The following GALNT13 variants were observed in gnomAD, a reference collection of about 807,000 sequenced individuals.
GALNT13 encodes polypeptide N-acetylgalactosaminyltransferase 13.
A neutral mutation model predicts 64.2 loss-of-function variants in GALNT13; 28 were observed. The ratio of observed to expected loss-of-function variants is 0.44; its 90% CI spans 0.32 to 0.60. The LOEUF is 0.60. GALNT13 is among the 20% of genes least tolerant of loss of function. The pLI, the probability that GALNT13 is intolerant of heterozygous loss-of-function variation, is 0.05. For synonymous variants in GALNT13, 214 were observed against 224.6 expected (o/e 0.95, Z 0.42); for missense variants, 577 against 669.8 (o/e 0.86, Z 1.53).
At chr2:154,339,083 A>G (rs1000958904) in intron 9 of GALNT13, among the ~76,000 whole-genome samples, 7 of 152,170 alleles carry the variant, frequency 4.6e-5, no homozygotes. Flanking sequence ...ATGTTTACCA[A>G]GCATCTACTA....
At chr2:154,206,510 G>A (rs535116667) in intron 4 of GALNT13, among the ~76,000 whole-genome samples, 52 of 151,868 alleles carry the variant, frequency 3.4e-4, no homozygotes, top group African/African-American at 1.1e-3. Context: ...CAAGAGGAAC[G>A]GGGGTCGGGC....
chr2:153,744,466 T>C, the GALNT13 span, among the ~76,000 whole-genome samples: 2 of 152,200 alleles, frequency 1.3e-5, no homozygotes, highest in African/African-American at 4.8e-5. Context: ...ATGTCCCATT[T>C]GTATGTCTTC....
intron 1 of GALNT13, among the ~76,000 whole-genome samples, chr2:153,895,579 G>T (rs1180012880): frequency 6.6e-6 from 1 of 152,026 alleles, no homozygotes; most frequent in Non-Finnish European, 1.5e-5. Context: ...CAGAACTAGG[G>T]TCAAGTTGGG....
chr2:153,087,514 G>A, the GALNT13 span, among the ~76,000 whole-genome samples: 1 of 152,026 alleles, frequency 6.6e-6, no homozygotes, highest in African/African-American at 2.4e-5. Context: ...GGGACAATTT[G>A]TTCTCTGTCT....
At chr2:153,550,528 C>T in the GALNT13 span, among the ~76,000 whole-genome samples, 1 of 152,066 alleles carries the variant, frequency 6.6e-6, no homozygotes, top group Admixed American at 6.6e-5. Flanking sequence ...CCACCGTGCC[C>T]AGGCTTAACT....
intron 9 of GALNT13, among the ~76,000 whole-genome samples, chr2:154,305,257 C>T (rs1693665347): frequency 6.6e-6 from 1 of 151,848 alleles, no homozygotes; most frequent in African/African-American, 2.4e-5. Flanking sequence ...TTCTGTTTTT[C>T]ATCACTTTGG....
intron 9 of GALNT13, among the ~76,000 whole-genome samples, chr2:154,379,162 T>C (rs574993201): frequency 2.6e-5 from 4 of 152,138 alleles, no homozygotes; most frequent in African/African-American, 4.8e-5. Context: ...CTAAATGTTA[T>C]GTCATTCGCT....
chr2:154,395,159 G>A (rs1698997586), intron 9 of GALNT13, among the ~76,000 whole-genome samples: 1 of 152,072 alleles, frequency 6.6e-6, no homozygotes, highest in African/African-American at 2.4e-5. Context: ...AATATTCTAA[G>A]AATAATTGCT....
intron 9 of GALNT13, among the ~76,000 whole-genome samples, chr2:154,384,729 C>T: frequency 6.6e-6 from 1 of 151,912 alleles, no homozygotes; most frequent in East Asian, 1.9e-4. Flanking sequence ...GTGTTTCCTA[C>T]CCACTGTCAT....
intron 9 of GALNT13, 111 bp downstream of exon 9, chr2:154,301,700 C>A: frequency 1.4e-6 from 1 of 709,740 alleles, no homozygotes; most frequent in Non-Finnish European, 2.2e-6. Context: ...TTGTTTATTA[C>A]CATAATATTG....
At chr2:153,566,348 G>GTTTTTTTTTTTTTTTTTTTTTTTTT in the GALNT13 span, among the ~76,000 whole-genome samples, 38 of 74,792 alleles carry the variant, frequency 5.1e-4, 2 homozygotes, top group African/African-American at 2.0e-3. Flanking sequence ...TTCTAATCAC[G>GTTTTTTTTTTTTTTTTTTTTTTTTT]TTTTTTTTTT....
Position 153,944,541 on chromosome 2 carries a change from T to C in GALNT13, c.44T>C (p.Leu15Pro). 6.2e-7 allele frequency: 1 copy of C among 1,613,278 alleles called. No homozygotes were observed. Among genetic ancestry groups the C allele is most frequent in the Non-Finnish European group, 8.5e-7 (1 of 1,179,294 alleles). The change falls in exon 3 of 13, where the codon CTG becomes CCG. Residue 15 changes from leucine to proline, a missense_variant. Leu to Pro is a moderately conservative substitution (Grantham distance 98). This residue lies in a region of GALNT13 where 341 missense variants were observed against 379.3 expected (regional missense o/e 0.90). Coordinates refer to ENST00000392825, the MANE Select transcript of GALNT13 (RefSeq NM_052917.4). ...VYCKVVLATS[L>P]MWVLVDVFLL... ...TGCAAGGTGGTTCTAGCCACTTCGC[T>C]GATGTGGGTTCTTGTTGATGTCTTC...
At chr2:153,710,628 G>T in the GALNT13 span, among the ~76,000 whole-genome samples, 10 of 152,050 alleles carry the variant, frequency 6.6e-5, no homozygotes, top group African/African-American at 1.7e-4. Context: ...TTAGAATATA[G>T]CTCCTAGAGA....
intron 10 of GALNT13, among the ~76,000 whole-genome samples, chr2:154,401,179 T>C (rs190741459): frequency 6.6e-6 from 1 of 152,274 alleles, no homozygotes; most frequent in East Asian, 1.9e-4. Context: ...TTGTATGCCT[T>C]AAATATTGCT....
chr2:154,166,559 G>A (rs150891594), intron 4 of GALNT13, among the ~76,000 whole-genome samples: 11,102 of 152,300 alleles, frequency 0.073, 481 homozygotes, highest in Middle Eastern at 0.14. Context: ...CATTGTGGAA[G>A]ACAGTGTGGC....
the GALNT13 span, among the ~76,000 whole-genome samples, chr2:153,726,027 A>G: frequency 6.6e-6 from 1 of 151,912 alleles, no homozygotes; most frequent in African/African-American, 2.4e-5. Context: ...GTAAGTTATT[A>G]TTCTGTTGAT....
At chr2:153,388,048 C>A in the GALNT13 span, among the ~76,000 whole-genome samples, 3 of 61,920 alleles carry the variant, frequency 4.8e-5, no homozygotes, top group East Asian at 9.1e-4. Flanking sequence ...GAGAGGGGAG[C>A]GGAAGGGGAG....
chr2:153,635,886 C>T, the GALNT13 span, among the ~76,000 whole-genome samples: 1 of 151,736 alleles, frequency 6.6e-6, no homozygotes, highest in Non-Finnish European at 1.5e-5. Flanking sequence ...TTTGAAATTT[C>T]AGATGCTTTG....
rs1693147012 is a variant in GALNT13, at chr2:154,298,609, T to TTGTATATAC, written c.976-2800_976-2799insTGTATATAC. Reference sequence around the variant, plus strand: ...TAATTTATATATACAATGTATATATTAATTTATATATACATTGTATATATA... The same window carrying TTGTATATAC: ...TAATTTATATATACAATGTATATATTTGTATATACAATTTATATATACATTGTATATATA... On this transcript the variant is annotated intron_variant, in intron 8 of 12. Coordinates refer to ENST00000392825, the MANE Select transcript of GALNT13 (RefSeq NM_052917.4). Among the ~76,000 whole-genome samples the TTGTATATAC allele has an allele frequency of 8.6e-4, 4 of 4,636 alleles. 1 individual carries two copies. The highest frequency in any genetic ancestry group is 1.1e-3 in the African/African-American group (2 of 1,814). 3.0% of individuals were successfully genotyped at this position (4,636 alleles called of 152,430 possible).
Sources: gnomAD v4.1 joint callset for allele counts (sites outside exome capture counted in the v4.1 genomes callset) on GRCh38, gnomAD v4.1.1 for gene constraint, gnomAD v4.1.1 regional missense constraint, MANE v1.5 for transcripts, NCBI Gene and HGNC (gene_info 2026-07-23, HGNC 2026-07-21) for gene names.